NBAS: variants seen among roughly 807,000 people sequenced by gnomAD.
NBAS encodes the protein NAG/BC035112 fusion.
A neutral mutation model predicts 302.5 loss-of-function variants in NBAS; 219 were observed. That is an observed-to-expected ratio of 0.72 (90% CI 0.65 to 0.81). The LOEUF is 0.81. Ranked by LOEUF, NBAS falls within the 30% of genes least tolerant of loss-of-function variation. The pLI, the probability that NBAS is intolerant of heterozygous loss-of-function variation, is 0.00. For missense variants in NBAS, 2,932 were observed against 2,841.6 expected (o/e 1.03, Z -0.72); for synonymous variants, 1,118 against 1,021.6 (o/e 1.09, Z -1.80).
At chr2:15,161,242 G>A in the NBAS span, among the ~76,000 whole-genome samples, 5 of 152,134 alleles carry the variant, frequency 3.3e-5, no homozygotes, top group East Asian at 1.9e-4. Flanking sequence ...GGAGTGGTTC[G>A]TGGCTAACCG....
chr2:15,078,184 G>C, the NBAS span, among the ~76,000 whole-genome samples: 2 of 152,190 alleles, frequency 1.3e-5, no homozygotes, highest in African/African-American at 4.8e-5. Context: ...ATAACACAGA[G>C]TTGAATTTTA....
intron 19 of NBAS, among the ~76,000 whole-genome samples, chr2:15,463,359 C>T (rs370019973): frequency 6.6e-6 from 1 of 152,150 alleles, no homozygotes; most frequent in Middle Eastern, 3.2e-3. Context: ...TGTCACAAAA[C>T]CCTGGATCTC....
At chr2:15,063,944 C>A in the NBAS span, among the ~76,000 whole-genome samples, 1 of 152,128 alleles carries the variant, frequency 6.6e-6, no homozygotes, top group African/African-American at 2.4e-5. Context: ...GAGTGTGGAG[C>A]TATCTTTTAT....
intron 47 of NBAS, among the ~76,000 whole-genome samples, chr2:15,229,679 G>A (rs959664999): frequency 1.3e-5 from 2 of 151,854 alleles, no homozygotes; most frequent in African/African-American, 4.8e-5. Flanking sequence ...CTACTCGGGA[G>A]GCTGAGGCAG....
chr2:15,021,532 A>G, the NBAS span, among the ~76,000 whole-genome samples: 117 of 152,342 alleles, frequency 7.7e-4, no homozygotes, highest in African/African-American at 2.6e-3. Context: ...CATAGCATAC[A>G]TCCAGGCACA....
the NBAS span, among the ~76,000 whole-genome samples, chr2:15,037,036 T>C: frequency 2.0e-5 from 3 of 152,178 alleles, no homozygotes; most frequent in African/African-American, 7.2e-5. Flanking sequence ...ATAGATTTGA[T>C]GTCTTAAATG....
intron 48 of NBAS, among the ~76,000 whole-genome samples, chr2:15,208,316 TG>T (rs966869596): frequency 3.9e-5 from 6 of 152,140 alleles, no homozygotes; most frequent in African/African-American, 1.4e-4. Flanking sequence ...GAGAACAGTA[TG>T]GGGGAAAGTG....
At chr2:15,456,581 G>A (rs955247930) in intron 21 of NBAS, among the ~76,000 whole-genome samples, 2 of 152,166 alleles carry the variant, frequency 1.3e-5, no homozygotes, top group African/African-American at 4.8e-5. Flanking sequence ...ATTCACTCAT[G>A]CATTTATTCA....
chr2:15,477,179 G>T (rs1267058830), intron 13 of NBAS, among the ~76,000 whole-genome samples: 2 of 152,158 alleles, frequency 1.3e-5, no homozygotes, highest in African/African-American at 4.8e-5. Flanking sequence ...TATTTTGGAT[G>T]ATTATTTAAA....
At chr2:14,792,005 T>G in the NBAS span, among the ~76,000 whole-genome samples, 2 of 151,774 alleles carry the variant, frequency 1.3e-5, no homozygotes. Flanking sequence ...GGTCAGGACA[T>G]CAATAGGGGG....
chr2:15,329,727 C>A (rs548448646), intron 36 of NBAS, among the ~76,000 whole-genome samples: 1 of 152,124 alleles, frequency 6.6e-6, no homozygotes, highest in South Asian at 2.1e-4. Flanking sequence ...AAGTGTGCTG[C>A]CCCAGTCCAG....
chr2:15,072,561 C>T, the NBAS span, among the ~76,000 whole-genome samples: 2 of 152,122 alleles, frequency 1.3e-5, no homozygotes, highest in Non-Finnish European at 2.9e-5. Flanking sequence ...GGGAGCTGCT[C>T]CTTAAATCAT....
chr2:14,942,261 G>A, the NBAS span, among the ~76,000 whole-genome samples: 23,648 of 152,092 alleles, frequency 0.16, 2,530 homozygotes, highest in African/African-American at 0.31. Context: ...ACCAAATCTC[G>A]TGTCAAATAG....
intron 9 of NBAS, among the ~76,000 whole-genome samples, chr2:15,518,530 A>G (rs1177393413): frequency 6.6e-6 from 1 of 152,218 alleles, no homozygotes; most frequent in Non-Finnish European, 1.5e-5. Flanking sequence ...AAGATACAGT[A>G]AAATGGAATT....
Position 15,195,376 on chromosome 2 carries a change from A to G in NBAS, c.6433-4973T>C, listed in dbSNP as rs150256873. On this transcript the variant is annotated intron_variant, in intron 48 of 51. Coordinates refer to ENST00000281513, the MANE Select transcript of NBAS (RefSeq NM_015909.4). ...CAAAGTCACTCACAAAGGGTTATAT[A>G]CATACTGTCTGATTCCATTTATGTA... Among the ~76,000 whole-genome samples the G allele has an allele frequency of 5.1e-3, 773 of 152,280 alleles. 3 individuals carry two copies. The highest frequency in any genetic ancestry group is 0.012 in the Admixed American group (186 of 15,308).
chr2:15,017,049 G>A, the NBAS span, among the ~76,000 whole-genome samples: 3 of 151,896 alleles, frequency 2.0e-5, no homozygotes, highest in Non-Finnish European at 2.9e-5. Flanking sequence ...AGGAATGAAG[G>A]ATATTCACTG....
the NBAS span, among the ~76,000 whole-genome samples, chr2:15,114,009 C>T: frequency 6.6e-6 from 1 of 152,006 alleles, no homozygotes; most frequent in Non-Finnish European, 1.5e-5. Flanking sequence ...CTCCTCCCTC[C>T]CAAAATAAAC....
the NBAS span, among the ~76,000 whole-genome samples, chr2:14,891,040 T>A: frequency 6.6e-6 from 1 of 152,182 alleles, no homozygotes; most frequent in Non-Finnish European, 1.5e-5. Flanking sequence ...GCCAAGTTAG[T>A]CCCAGAGAGA....
intron 48 of NBAS, among the ~76,000 whole-genome samples, chr2:15,199,596 G>A (rs1439202099): frequency 6.6e-6 from 1 of 152,016 alleles, no homozygotes; most frequent in African/African-American, 2.4e-5. Flanking sequence ...TCTCACTACA[G>A]GAATTATAAA....
Sources: allele counts gnomAD v4.1 joint callset (sites outside exome capture counted in the v4.1 genomes callset), GRCh38; gene constraint gnomAD v4.1.1; transcripts MANE v1.5; gene names NCBI Gene and HGNC (gene_info 2026-07-23, HGNC 2026-07-21).